The following CDH20 variants were observed in gnomAD, a reference collection of about 807,000 sequenced individuals.
CDH20 encodes cadherin 20.
CDH20 carries 29 observed loss-of-function variants against 74.2 expected under a neutral mutation model. The observed-to-expected ratio is 0.39, with a 90% CI of 0.29 to 0.53. CDH20 has a LOEUF of 0.53. Among genes scored for constraint, CDH20 ranks in the 20% least tolerant of loss-of-function variants. The pLI is 0.69. For synonymous variants in CDH20, 469 were observed against 405.4 expected, an observed-to-expected ratio of 1.16 and a Z score of -1.88; for missense variants, 988 against 1,048.3, an observed-to-expected ratio of 0.94 and a Z score of 0.79.
intron 6 of CDH20, among the ~76,000 whole-genome samples, chr18:61,510,314 G>C (rs1456092232): frequency 6.6e-6 from 1 of 152,136 alleles, no homozygotes; most frequent in Admixed American, 6.5e-5. Context: ...GATAATGGAG[G>C]AAGTGCAGTG....
intron 6 of CDH20, among the ~76,000 whole-genome samples, chr18:61,516,003 C>G (rs1911990389): frequency 6.6e-6 from 1 of 151,410 alleles, no homozygotes; most frequent in African/African-American, 2.4e-5. Context: ...TGTAGAACTC[C>G]CCTAAAGTAC....
intron 1 of CDH20, among the ~76,000 whole-genome samples, chr18:61,392,238 T>G (rs1911811051): frequency 6.7e-6 from 1 of 148,862 alleles, no homozygotes; most frequent in South Asian, 2.3e-4. Context: ...GGAACCTTCT[T>G]GCTCACACTC....
At chr18:61,378,897 G>T (rs1911337992) in intron 1 of CDH20, among the ~76,000 whole-genome samples, 2 of 152,016 alleles carry the variant, frequency 1.3e-5, no homozygotes, top group South Asian at 4.2e-4. Context: ...GACACTCAGG[G>T]TTGTTTGCCA....
intron 1 of CDH20, among the ~76,000 whole-genome samples, chr18:61,382,569 C>A (rs933253573): frequency 3.3e-5 from 5 of 152,202 alleles, no homozygotes; most frequent in African/African-American, 1.2e-4. Context: ...GATCTCAACA[C>A]ATAATTGCTA....
intron 1 of CDH20, among the ~76,000 whole-genome samples, chr18:61,484,910 A>G (rs1002749295): frequency 6.6e-6 from 1 of 152,152 alleles, no homozygotes; most frequent in Admixed American, 6.5e-5. Context: ...TTTACAAAAC[A>G]GCACTCTCGC....
At chr18:61,456,233 G>A (rs1350575085) in intron 1 of CDH20, among the ~76,000 whole-genome samples, 2 of 152,132 alleles carry the variant, frequency 1.3e-5, no homozygotes, top group Non-Finnish European at 2.9e-5. Context: ...GAAGTAGTAG[G>A]CTTGAATTTT....
chr18:61,500,060 C>T (rs11665333), intron 3 of CDH20, among the ~76,000 whole-genome samples: 13 of 122,312 alleles, frequency 1.1e-4, no homozygotes, highest in African/African-American at 2.5e-4. Context: ...GCTGAGATCA[C>T]GCCACTGCAC....
intron 1 of CDH20, among the ~76,000 whole-genome samples, chr18:61,442,043 A>G (rs1294942973): frequency 6.6e-6 from 1 of 152,168 alleles, no homozygotes; most frequent in African/African-American, 2.4e-5. Flanking sequence ...TAGCAAGTAA[A>G]TAAGTGAAAA....
chr18:61,489,027 T>C (rs574138448), intron 1 of CDH20, among the ~76,000 whole-genome samples: 2 of 152,356 alleles, frequency 1.3e-5, no homozygotes, highest in African/African-American at 4.8e-5. Flanking sequence ...GCTTGCTTTT[T>C]CTTAACACTC....
chr18:61,518,168 G>C (rs926818431), intron 6 of CDH20, among the ~76,000 whole-genome samples: 8 of 152,156 alleles, frequency 5.3e-5, no homozygotes, highest in African/African-American at 1.9e-4. Context: ...AAAACACCTG[G>C]GGGAAGGGGT....
At chr18:61,335,666 G>A (rs72989933) in intron 1 of CDH20, among the ~76,000 whole-genome samples, 10,253 of 152,238 alleles carry the variant, frequency 0.067, 484 homozygotes, top group Middle Eastern at 0.14. Context: ...AAGTAACTGT[G>A]CCTTTCTAAC....
At chr18:61,544,877 C>A in intron 9 of CDH20, 150 bp from the exon 10 acceptor site, 1 of 642,280 alleles carries the variant, frequency 1.6e-6, no homozygotes, top group South Asian at 1.8e-5. Context: ...CCTTCTCTAC[C>A]CAGCATTTCC....
At chr18:61,369,020 A>G (rs1186091079) in intron 1 of CDH20, among the ~76,000 whole-genome samples, 1 of 152,142 alleles carries the variant, frequency 6.6e-6, no homozygotes, top group Non-Finnish European at 1.5e-5. Context: ...TAAGATACAG[A>G]TAACTTGTAG....
chr18:61,417,968 A>G (rs895375285), intron 1 of CDH20, among the ~76,000 whole-genome samples: 1 of 152,204 alleles, frequency 6.6e-6, no homozygotes, highest in Admixed American at 6.5e-5. Context: ...AAAAATTAAA[A>G]ATCTAAAACA....
At chr18:61,398,673 A>T (rs528279660) in intron 1 of CDH20, among the ~76,000 whole-genome samples, 24 of 152,230 alleles carry the variant, frequency 1.6e-4, no homozygotes, top group African/African-American at 5.8e-4. Flanking sequence ...TTGTGTTATC[A>T]TTTGTGGGCA....
chr18:61,531,946 T>C (rs75745982), intron 7 of CDH20, among the ~76,000 whole-genome samples: 161 of 152,326 alleles, frequency 1.1e-3, no homozygotes, highest in African/African-American at 3.8e-3. Flanking sequence ...CCTCTTTCCC[T>C]ATAAATACCC....
At chr18:61,533,302 C>T (rs1912712532) in intron 7 of CDH20, among the ~76,000 whole-genome samples, 2 of 151,962 alleles carry the variant, frequency 1.3e-5, no homozygotes, top group African/African-American at 2.4e-5. Flanking sequence ...AGAAAGAGAA[C>T]CCATTTCTAA....
At chr18:61,501,091 T>C (rs1043608554) in intron 4 of CDH20, among the ~76,000 whole-genome samples, 1 of 152,152 alleles carries the variant, frequency 6.6e-6, no homozygotes, top group African/African-American at 2.4e-5. Context: ...AGACAGGTTT[T>C]GATGAGGGAG....
chr18:61,526,909 G>A (rs1912433473), intron 6 of CDH20, among the ~76,000 whole-genome samples: 1 of 152,136 alleles, frequency 6.6e-6, no homozygotes, highest in Admixed American at 6.6e-5. Context: ...AGCAGGGTGT[G>A]GTGGCTTATG....
Sources: allele counts gnomAD v4.1 joint callset (sites outside exome capture counted in the v4.1 genomes callset), GRCh38; gene constraint gnomAD v4.1.1; transcripts MANE v1.5; gene names NCBI Gene and HGNC (gene_info 2026-07-23, HGNC 2026-07-21).